TAF8: variants seen among roughly 807,000 people sequenced by gnomAD.
TAF8 encodes the protein TATA-box binding protein associated factor 8.
In TAF8, 47 loss-of-function variants were observed where a neutral mutation model predicts 36.5. The observed-to-expected ratio is 1.29, with a 90% CI of 1.02 to 1.64. The LOEUF is 1.64. Ranked by LOEUF, TAF8 falls within the 40% of genes most tolerant of loss-of-function variation. The pLI, the probability that TAF8 is intolerant of heterozygous loss-of-function variation, is 0.00. For synonymous variants in TAF8, 175 were observed against 159.5 expected (o/e 1.10, Z -0.73); for missense variants, 420 against 407.6 (o/e 1.03, Z -0.26).
At chr6:42,072,029 C>T (rs1765596508) in intron 7 of TAF8, among the ~76,000 whole-genome samples, 1 of 152,182 alleles carries the variant, frequency 6.6e-6, no homozygotes, top group South Asian at 2.1e-4. Flanking sequence ...AGCTTCAAAT[C>T]CAGGCTGTGC....
chr6:42,076,082 C>T (rs1480409112), intron 7 of TAF8, among the ~76,000 whole-genome samples: 2 of 152,048 alleles, frequency 1.3e-5, no homozygotes, highest in Non-Finnish European at 2.9e-5. Flanking sequence ...GTGGCAGGCA[C>T]CTGTACTCCC....
At chr6:42,086,941 C>G (rs1766038669), downstream of TAF8, 3 of 643,120 alleles carry the variant, frequency 4.7e-6, no homozygotes, top group African/African-American at 5.4e-5. Flanking sequence ...GAAGGTCATT[C>G]AGCCAACCCA....
intron 2 of TAF8, 102 bp downstream of exon 2, chr6:42,051,615 C>A: frequency 1.4e-6 from 2 of 1,416,626 alleles, no homozygotes; most frequent in South Asian, 1.4e-5. Flanking sequence ...AAACTTTTTT[C>A]TTAAGAGGGG....
In TAF8 at chr6:42,057,889, C is replaced by T. The variant is rs1582219410; in HGVS notation, c.489+376C>T. Reference sequence around the variant, plus strand: ...TAATTAACAAAGAAATTGAAGCTGGCCCCAGTATTGCCTGTCCTACTAAAA... The same window carrying T: ...TAATTAACAAAGAAATTGAAGCTGGTCCCAGTATTGCCTGTCCTACTAAAA... On this transcript the variant is annotated intron_variant, in intron 5 of 8. Transcript: ENST00000372977. 3 of 252,748 alleles carry T rather than the reference C, an allele frequency of 1.2e-5. No individual in the cohort carries two copies. In the East Asian group the frequency reaches 2.5e-4, roughly 21 times the overall value. The allele number at this position is 252,748 out of a possible 1,614,324, so 15.7% of individuals were successfully genotyped here. A position where few individuals can be genotyped will look rare whatever the true frequency, so the allele number is the denominator to read the frequency against.
At chr6:42,071,337 T>C in intron 7 of TAF8, 1 of 155,910 alleles carries the variant, frequency 6.4e-6, no homozygotes, top group Non-Finnish European at 1.3e-5. Flanking sequence ...TTTTTTTTTT[T>C]TTTTTTTAGA....
At chr6:42,067,580 T>C (rs1487062409) in intron 6 of TAF8, among the ~76,000 whole-genome samples, 2 of 152,048 alleles carry the variant, frequency 1.3e-5, no homozygotes, top group Non-Finnish European at 2.9e-5. Context: ...TTTTTCTTTT[T>C]CTGTTTTGAG....
intron 7 of TAF8, among the ~76,000 whole-genome samples, chr6:42,075,656 G>A (rs1765720550): frequency 6.6e-6 from 1 of 152,132 alleles, no homozygotes; most frequent in African/African-American, 2.4e-5. Context: ...GAATCTCAAT[G>A]ACTTCTTCCC....
chr6:42,053,627 A>G (rs1764878140), intron 2 of TAF8, among the ~76,000 whole-genome samples: 1 of 152,126 alleles, frequency 6.6e-6, no homozygotes, highest in African/African-American at 2.4e-5. Flanking sequence ...ACAATCACAT[A>G]TTCTGTTATT....
chr6:42,072,157 C>A (rs1765600972), intron 7 of TAF8, among the ~76,000 whole-genome samples: 1 of 152,222 alleles, frequency 6.6e-6, no homozygotes, highest in South Asian at 2.1e-4. Flanking sequence ...GAGCTGGTAT[C>A]TATCAGGTGC....
chr6:42,068,221 A>G (rs944638167), intron 6 of TAF8, among the ~76,000 whole-genome samples: 1 of 152,202 alleles, frequency 6.6e-6, no homozygotes, highest in African/African-American at 2.4e-5. Context: ...CATTTTTAGC[A>G]TGCTTGGGAA....
At chr6:42,074,472 G>A (rs1721909748) in intron 7 of TAF8, among the ~76,000 whole-genome samples, 1 of 152,174 alleles carries the variant, frequency 6.6e-6, no homozygotes, top group African/African-American at 2.4e-5. Flanking sequence ...GCAATTCAGG[G>A]AGCTCCTGAC....
At chr6:42,057,769 A>T (rs1765056203) in intron 5 of TAF8, 7 of 320,370 alleles carry the variant, frequency 2.2e-5, no homozygotes, top group Non-Finnish European at 3.6e-5. Flanking sequence ...AAAAATAAAT[A>T]AATAAAGAAA....
At chr6:42,056,943 A>G (rs982161531) in intron 4 of TAF8, among the ~76,000 whole-genome samples, 2 of 151,992 alleles carry the variant, frequency 1.3e-5, no homozygotes, top group African/African-American at 4.8e-5. Flanking sequence ...TCTTGTTGGC[A>G]TTTTTTTAAA....
Position 42,078,381 on chromosome 6 carries a change from T to C in TAF8, c.*836T>C. ...CAGCGTGTATTTCAGGATATCTGGA[T>C]CCCTTTTATTGACTCACAATTTGTG... On this transcript the variant is annotated 3_prime_UTR_variant, in exon 9 of 9. Transcript: ENST00000372977. 1.0e-6 allele frequency: 1 copy of C among 985,476 alleles called. No individual in the cohort carries two copies. 61.0% of individuals were successfully genotyped at this position (985,476 alleles called of 1,614,324 possible). A position where few individuals can be genotyped will look rare whatever the true frequency, so the allele number is the denominator to read the frequency against.
At chr6:42,068,385 T>G (rs186946957) in intron 6 of TAF8, 80 bp from the exon 7 acceptor site, 2 of 1,517,354 alleles carry the variant, frequency 1.3e-6, no homozygotes, top group African/African-American at 2.7e-5. Context: ...GCTCACTGAT[T>G]TGTTGTGAGG....
rs1308456728 is a variant in TAF8 at position 42,078,899 on chromosome 6, A to G, written c.*1354A>G. The G allele has an allele frequency of 1.1e-6, 1 of 951,330 alleles. No individual in the cohort carries two copies. The highest frequency in any genetic ancestry group is 1.3e-6 in the Non-Finnish European group (1 of 799,060). The allele number at this position is 951,330 out of a possible 1,614,324, so 58.9% of individuals were successfully genotyped here. A position where few individuals can be genotyped will look rare whatever the true frequency, so the allele number is the denominator to read the frequency against. On this transcript the variant is annotated 3_prime_UTR_variant, in exon 9 of 9. Coordinates refer to ENST00000372977, the MANE Select transcript of TAF8 (RefSeq NM_138572.3). ...CACTTCGGGAGGCGAAGGCAGGTGG[A>G]TCACTTGAGGTCAGGAGTTCGAGAC... is the stretch of plus-strand genomic sequence containing the variant.
In TAF8 at chr6:42,080,529, T is replaced by G; in HGVS notation, c.*2984T>G. On this transcript the variant is annotated 3_prime_UTR_variant, in exon 9 of 9. Coordinates refer to ENST00000372977, the MANE Select transcript of TAF8 (RefSeq NM_138572.3). ...CTGGGATTACAGGCACCTACCACAATTCTCGGCTAATTTTTTTTGTATTTT... is the reference window on the plus strand; with the variant it reads ...CTGGGATTACAGGCACCTACCACAAGTCTCGGCTAATTTTTTTTGTATTTT... The G allele has an allele frequency of 2.1e-6, 1 of 467,414 alleles. No individual in the cohort carries two copies. 29.0% of individuals were successfully genotyped at this position (467,414 alleles called of 1,614,324 possible).
chr6:42,064,279 G>C (rs993578370), intron 5 of TAF8, among the ~76,000 whole-genome samples: 1 of 151,464 alleles, frequency 6.6e-6, no homozygotes, highest in African/African-American at 2.4e-5. Flanking sequence ...GGTGGACAGA[G>C]TCTCGCTCAG....
chr6:42,055,260 A>G (rs1764936092), intron 2 of TAF8, among the ~76,000 whole-genome samples: 1 of 152,344 alleles, frequency 6.6e-6, no homozygotes, highest in East Asian at 1.9e-4. Context: ...ATGCTATAAC[A>G]TTACCAGAAT....
Sources: gnomAD v4.1 joint callset for allele counts (sites outside exome capture counted in the v4.1 genomes callset) on GRCh38, gnomAD v4.1.1 for gene constraint, MANE v1.5 for transcripts, NCBI Gene and HGNC (gene_info 2026-07-23, HGNC 2026-07-21) for gene names.